GPR158: variants seen among roughly 807,000 people sequenced by gnomAD.
The protein encoded by GPR158 is G protein-coupled receptor 158.
A neutral mutation model predicts 78.2 loss-of-function variants in GPR158; 30 were observed. The ratio of observed to expected loss-of-function variants is 0.38; its 90% CI spans 0.29 to 0.52. GPR158 has a LOEUF of 0.52. GPR158 is among the 20% of genes least tolerant of loss of function. The probability of loss-of-function intolerance (pLI) is 0.83; values close to 1 mark genes in which losing one functional copy is unlikely to be tolerated. For synonymous variants in GPR158, 581 were observed against 591.1 expected, an observed-to-expected ratio of 0.98 and a Z score of 0.25; for missense variants, 1,463 against 1,523.5, an observed-to-expected ratio of 0.96 and a Z score of 0.66.
chr10:25,258,427 G>A (rs1853919321), intron 2 of GPR158, among the ~76,000 whole-genome samples: 1 of 152,054 alleles, frequency 6.6e-6, no homozygotes, highest in African/African-American at 2.4e-5. Context: ...AGGAACTAAA[G>A]TTCTTAATTT....
At chr10:25,225,052 C>T (rs79825112) in intron 2 of GPR158, among the ~76,000 whole-genome samples, 1 of 152,190 alleles carries the variant, frequency 6.6e-6, no homozygotes, top group African/African-American at 2.4e-5. Flanking sequence ...AAGACTTTCT[C>T]ATGGATTGTT....
At chr10:25,283,650 C>T (rs1008450208) in intron 2 of GPR158, among the ~76,000 whole-genome samples, 1 of 151,830 alleles carries the variant, frequency 6.6e-6, no homozygotes, top group African/African-American at 2.4e-5. Flanking sequence ...TTTCTCCTTA[C>T]TTGGGACTTA....
intron 2 of GPR158, among the ~76,000 whole-genome samples, chr10:25,331,978 CA>C (rs1389769761): frequency 4.6e-5 from 7 of 151,816 alleles, no homozygotes; most frequent in Non-Finnish European, 4.4e-5. Context: ...AATATATAAA[CA>C]AAAAATTGAG....
rs71399976 is a variant in GPR158 at position 25,495,295 on chromosome 10, C to CTTT, written c.1404+28594_1404+28596dup. The stretch of plus-strand genomic sequence containing the variant: ...TATTTTAAGCTATCATTCTTTTCTG[C>CTTT]TTTTTTTTTTTTTTTTTTTTGAGAC... On this transcript the variant is annotated intron_variant, in intron 5 of 10. Transcript: ENST00000376351. 3.3e-3 allele frequency among the ~76,000 whole-genome samples: 303 copies of CTTT among 91,102 alleles called. 28 individuals are homozygous for CTTT. Among genetic ancestry groups the CTTT allele is most frequent in the Admixed American group, 0.021 (131 of 6,346 alleles). The allele number at this position is 91,102 out of a possible 152,430, so 59.8% of individuals were successfully genotyped here. A position where few individuals can be genotyped will look rare whatever the true frequency, so the allele number is the denominator to read the frequency against.
At chr10:25,219,431 G>T (rs900319234) in intron 1 of GPR158, among the ~76,000 whole-genome samples, 3 of 152,218 alleles carry the variant, frequency 2.0e-5, no homozygotes, top group African/African-American at 7.2e-5. Flanking sequence ...ATAAACATTT[G>T]TTTTATTGCG....
chr10:25,435,704 G>A (rs1324255130), intron 4 of GPR158, among the ~76,000 whole-genome samples: 7 of 152,156 alleles, frequency 4.6e-5, no homozygotes, highest in African/African-American at 7.2e-5. Context: ...TCTGTTTATC[G>A]GGATCTCATT....
At chr10:25,568,900 A>C (rs1184473313) in intron 6 of GPR158, among the ~76,000 whole-genome samples, 1 of 152,140 alleles carries the variant, frequency 6.6e-6, no homozygotes, top group Non-Finnish European at 1.5e-5. Flanking sequence ...AATAGTGGAA[A>C]AGTCATCCAT....
In GPR158 at chr10:25,418,593, T is replaced by G. The variant is rs536037556; in HGVS notation, c.1335+6120T>G. On this transcript the variant is annotated intron_variant, in intron 4 of 10. Transcript: ENST00000376351. ...AATATTTTTTAATTTATTCTACATT[T>G]TTTACTAAATATTATGACAAGTAAC... 2.2e-4 allele frequency among the ~76,000 whole-genome samples: 33 copies of G among 151,024 alleles called. No individual in the cohort carries two copies. The South Asian group carries it at 6.8e-3, about 31-fold the overall frequency.
At chr10:25,288,660 T>C (rs1854386809) in intron 2 of GPR158, among the ~76,000 whole-genome samples, 1 of 152,196 alleles carries the variant, frequency 6.6e-6, no homozygotes, top group South Asian at 2.1e-4. Context: ...ACAGAACATA[T>C]CCAAAGTTAA....
At chr10:25,318,597 A>G (rs1480227947) in intron 2 of GPR158, among the ~76,000 whole-genome samples, 1 of 151,772 alleles carries the variant, frequency 6.6e-6, no homozygotes, top group Non-Finnish European at 1.5e-5. Flanking sequence ...TTCTGTATAG[A>G]GCTAATTTGA....
At chr10:25,218,360 G>T (rs184174666) in intron 1 of GPR158, among the ~76,000 whole-genome samples, 70 of 152,272 alleles carry the variant, frequency 4.6e-4, no homozygotes, top group African/African-American at 1.5e-3. Context: ...TTGGAATGAA[G>T]GGCGAAAGCT....
Position 25,215,719 on chromosome 10 carries a change from C to T in GPR158, c.903-5333C>T, listed in dbSNP as rs527756747. Among the ~76,000 whole-genome samples, 22 of 152,156 alleles carry T rather than the reference C, an allele frequency of 1.4e-4. No homozygotes were observed. In the East Asian group the frequency reaches 4.1e-3, roughly 28 times the overall value. ...GCGTGGTGGTGCGCACCTGTAGTCC[C>T]AGCTACTCAGGAGGCTGAGGCAGGA... On this transcript the variant is annotated intron_variant, in intron 1 of 10. Transcript: ENST00000376351.
At chr10:25,288,349 T>G (rs769306580) in intron 2 of GPR158, among the ~76,000 whole-genome samples, 1 of 152,188 alleles carries the variant, frequency 6.6e-6, no homozygotes, top group Non-Finnish European at 1.5e-5. Flanking sequence ...GCTCTTTTAT[T>G]TTACAAGTGA....
intron 6 of GPR158, among the ~76,000 whole-genome samples, chr10:25,556,577 A>C (rs1836789689): frequency 6.6e-6 from 1 of 152,162 alleles, no homozygotes; most frequent in South Asian, 2.1e-4. Context: ...AGAATTACTC[A>C]TAGCGACATT....
At chr10:25,333,320 T>C (rs1855154012) in intron 2 of GPR158, among the ~76,000 whole-genome samples, 1 of 152,172 alleles carries the variant, frequency 6.6e-6, no homozygotes, top group South Asian at 2.1e-4. Flanking sequence ...TCATCTTAAA[T>C]GGCACGATAG....
At chr10:25,394,824 A>G (rs1442666622) in intron 2 of GPR158, among the ~76,000 whole-genome samples, 1 of 152,110 alleles carries the variant, frequency 6.6e-6, no homozygotes, top group Non-Finnish European at 1.5e-5. Context: ...GTGATATGTA[A>G]TATTGATCCT....
At chr10:25,540,988 T>C (rs906304805) in intron 5 of GPR158, among the ~76,000 whole-genome samples, 1 of 146,336 alleles carries the variant, frequency 6.8e-6, no homozygotes, top group African/African-American at 2.5e-5. Flanking sequence ...AAAGTTTATC[T>C]AAAACCTACA....
At chr10:25,337,269 C>T (rs1441727716) in intron 2 of GPR158, among the ~76,000 whole-genome samples, 1 of 152,086 alleles carries the variant, frequency 6.6e-6, no homozygotes, top group Non-Finnish European at 1.5e-5. Context: ...TCCAGATCAA[C>T]ATAGAGAACA....
chr10:25,206,264 G>C (rs959562473), intron 1 of GPR158, among the ~76,000 whole-genome samples: 2 of 152,136 alleles, frequency 1.3e-5, no homozygotes, highest in Non-Finnish European at 2.9e-5. Flanking sequence ...TGGGATTACA[G>C]GCGTGAGCCA....
Sources: allele counts gnomAD v4.1 joint callset (sites outside exome capture counted in the v4.1 genomes callset), GRCh38; gene constraint gnomAD v4.1.1; transcripts MANE v1.5; gene names NCBI Gene and HGNC (gene_info 2026-07-23, HGNC 2026-07-21).